Variants in NEK1 observed in about 807,000 individuals in gnomAD.
NEK1 encodes serine/threonine-protein kinase Nek1.
NEK1 carries 137 observed loss-of-function variants against 182.1 expected under a neutral mutation model. That is an observed-to-expected ratio of 0.75 (90% CI 0.65 to 0.87). The LOEUF is 0.87. NEK1 is among the 40% of genes least tolerant of loss of function. NEK1 has a pLI of 0.00. For missense variants in NEK1, 1,391 were observed against 1,494.4 expected, an observed-to-expected ratio of 0.93 and a Z score of 1.14; for synonymous variants, 513 against 492.2, an observed-to-expected ratio of 1.04 and a Z score of -0.56.
chr4:169,395,016 T>G (rs1014335876), intron 35 of NEK1, among the ~76,000 whole-genome samples: 2 of 152,304 alleles, frequency 1.3e-5, no homozygotes, highest in Admixed American at 1.3e-4. Flanking sequence ...ATGGATATAT[T>G]CTATGTTGAC....
chr4:169,506,960 TA>T, intron 23 of NEK1, 76 bp downstream of exon 23: 1 of 876,188 alleles, frequency 1.1e-6, no homozygotes, highest in Non-Finnish European at 1.7e-6. Flanking sequence ...AAGAAAATTA[TA>T]ATACTGATGT....
At chr4:169,446,998 T>TAGAG (rs58892164) in intron 27 of NEK1, among the ~76,000 whole-genome samples, 29,458 of 151,886 alleles carry the variant, frequency 0.19, 4,269 homozygotes, top group African/African-American at 0.41. Flanking sequence ...AACGAGGAAG[T>TAGAG]AGAGAGACCG....
chr4:169,605,569 C>T (rs1771195724), intron 2 of NEK1, among the ~76,000 whole-genome samples: 1 of 152,116 alleles, frequency 6.6e-6, no homozygotes, highest in African/African-American at 2.4e-5. Flanking sequence ...AATTATAATT[C>T]CATAAAATTT....
intron 5 of NEK1, among the ~76,000 whole-genome samples, chr4:169,597,349 C>T (rs1248060123): frequency 2.0e-5 from 3 of 152,036 alleles, no homozygotes; most frequent in East Asian, 1.9e-4. Context: ...CACAGTGGCT[C>T]GTGCCTATAA....
intron 10 of NEK1, among the ~76,000 whole-genome samples, chr4:169,582,524 T>G (rs781533816): frequency 3.3e-5 from 5 of 152,236 alleles, no homozygotes; most frequent in Non-Finnish European, 4.4e-5. Context: ...TGTGAACGTG[T>G]GTTCTCTTCT....
At chr4:169,574,012 T>A (rs989384881) in intron 12 of NEK1, among the ~76,000 whole-genome samples, 3 of 151,964 alleles carry the variant, frequency 2.0e-5, no homozygotes, top group Non-Finnish European at 4.4e-5. Context: ...AATAAAAAAT[T>A]AGCTGGGTGT....
Position 169,479,549 on chromosome 4 carries a change from T to C in NEK1, c.2008-15A>G. ...TTAGCCACCAACTATAAAAAAGGAT[T>C]TTATTAAATACATTAGGGATTTTAT... is the stretch of plus-strand genomic sequence containing the variant. On this transcript the variant is annotated splice_polypyrimidine_tract_variant and intron_variant, in intron 23 of 35. Transcript: ENST00000507142. 6.3e-7 allele frequency: 1 copy of C among 1,578,086 alleles called. No individual in the cohort carries two copies. Among genetic ancestry groups the C allele is most frequent in the East Asian group, 2.2e-5 (1 of 44,500 alleles).
chr4:169,439,144 G>T (rs1165179053), intron 27 of NEK1, among the ~76,000 whole-genome samples: 1 of 152,120 alleles, frequency 6.6e-6, no homozygotes, highest in African/African-American at 2.4e-5. Context: ...TTGTATTCAA[G>T]TGGCAAAACC....
At chr4:169,401,238 T>G (rs888618973) in intron 33 of NEK1, among the ~76,000 whole-genome samples, 1 of 152,220 alleles carries the variant, frequency 6.6e-6, no homozygotes, top group African/African-American at 2.4e-5. Context: ...GGGGTAATAT[T>G]ATGAAAGAGA....
intron 26 of NEK1, among the ~76,000 whole-genome samples, chr4:169,472,277 G>A (rs1306369721): frequency 6.6e-6 from 1 of 152,154 alleles, no homozygotes; most frequent in African/African-American, 2.4e-5. Flanking sequence ...GGCACCCAAG[G>A]GAATCTTTTG....
intron 17 of NEK1, 32 bp downstream of exon 17, chr4:169,555,900 G>C: frequency 6.2e-7 from 1 of 1,613,338 alleles, no homozygotes; most frequent in South Asian, 1.1e-5. Flanking sequence ...CAGAAGCAAA[G>C]CATAAGCAAC....
intron 27 of NEK1, among the ~76,000 whole-genome samples, chr4:169,453,001 A>G (rs1280537314): frequency 6.6e-6 from 1 of 152,208 alleles, no homozygotes; most frequent in Non-Finnish European, 1.5e-5. Flanking sequence ...AATCACAAGC[A>G]TTCCTATACA....
intron 2 of NEK1, among the ~76,000 whole-genome samples, chr4:169,603,808 C>T (rs966114848): frequency 1.3e-5 from 2 of 151,384 alleles, no homozygotes; most frequent in African/African-American, 2.4e-5. Flanking sequence ...CAGGTTCCAG[C>T]GATTCCCCTG....
intron 12 of NEK1, among the ~76,000 whole-genome samples, chr4:169,570,074 T>C (rs1370489504): frequency 1.4e-5 from 2 of 147,196 alleles, no homozygotes; most frequent in Admixed American, 6.7e-5. Flanking sequence ...CGCCATCCCA[T>C]CTAGGAAGTG....
In NEK1 at chr4:169,518,586, A is replaced by T. The variant is rs1294180437; in HGVS notation, c.1666-9734T>A. Among the ~76,000 whole-genome samples the T allele has an allele frequency of 3.9e-4, 37 of 93,750 alleles. 3 individuals carry two copies. The highest frequency in any genetic ancestry group is 1.4e-3 in the Admixed American group (14 of 10,334). The allele number at this position is 93,750 out of a possible 152,430, so 61.5% of individuals were successfully genotyped here. ...TTGCTCTTGCTTTTCTAGTTCTTTT[A>T]ATTGTGATGTTAGGGTGTCAATTTT... On this transcript the variant is annotated intron_variant, in intron 19 of 35. Transcript: ENST00000507142.
intron 19 of NEK1, among the ~76,000 whole-genome samples, chr4:169,524,600 A>G (rs1756620474): frequency 6.6e-6 from 1 of 152,238 alleles, no homozygotes; most frequent in South Asian, 2.1e-4. Context: ...GAGTATTTTA[A>G]GAAATCTACA....
intron 30 of NEK1, 49 bp from the exon 31 acceptor site, chr4:169,424,849 G>A: frequency 6.7e-7 from 1 of 1,493,240 alleles, no homozygotes; most frequent in Non-Finnish European, 9.0e-7. Context: ...AGTACTTAAA[G>A]TTCTAAATGA....
chr4:169,556,063 A>C lies in NEK1; in HGVS notation c.1299T>G (p.Ala433=). The C allele has an allele frequency of 1.2e-6, 2 of 1,613,392 alleles. No individual in the cohort carries two copies. The highest frequency in any genetic ancestry group is 1.7e-6 in the Non-Finnish European group (2 of 1,179,632). Reference sequence around the variant, plus strand: ...GTCCTCGAGAAGAAAAAGATGATGGAGCTATAGTCCCTCCACTGCCCAGAA... The same window carrying C: ...GTCCTCGAGAAGAAAAAGATGATGGCGCTATAGTCCCTCCACTGCCCAGAA... ...APFLGSGGTI[A]PSSFSSRGQY... is the part of the protein sequence containing the mutation. Residue 433 remains alanine (A), a synonymous_variant, in exon 17 of 36, where the codon GCT becomes GCG. Coordinates refer to ENST00000507142, the MANE Select transcript of NEK1 (RefSeq NM_001199397.3).
In NEK1 at chr4:169,438,118, G is replaced by A. The variant is rs367617368; in HGVS notation, c.2729C>T (p.Pro910Leu). 13 of 1,612,188 alleles carry A rather than the reference G, an allele frequency of 8.1e-6. No individual in the cohort carries two copies. The highest frequency in any genetic ancestry group is 1.1e-5 in the Non-Finnish European group (13 of 1,179,226). Residue 910 changes from proline to leucine, a missense_variant, in exon 28 of 36, where the codon CCA becomes CTA. Around this residue, in one of 5 missense-constraint regions of NEK1, gnomAD observed 1,216 missense variants for 1,277.6 expected, o/e 0.95. Transcript: ENST00000507142. The stretch of plus-strand genomic sequence containing the variant: ...TCCTTCCAGTTTCAATGACATCTGT[G>A]GAGATGCCTCACTGAACTCGGGACT... ...TKSPEFSEAS[P>L]QMSLKLEGNL...
Sources: gnomAD v4.1 joint callset for allele counts (sites outside exome capture counted in the v4.1 genomes callset) on GRCh38, gnomAD v4.1.1 for gene constraint, gnomAD v4.1.1 regional missense constraint, MANE v1.5 for transcripts, NCBI Gene and HGNC (gene_info 2026-07-23, HGNC 2026-07-21) for gene names.